The following RPS6KC1 variants were observed in gnomAD, a reference collection of about 807,000 sequenced individuals.
RPS6KC1 encodes the protein inactive ribosomal protein S6 kinase delta-1.
In RPS6KC1, 54 loss-of-function variants were observed where a neutral mutation model predicts 103.8. The ratio of observed to expected loss-of-function variants is 0.52; its 90% confidence interval spans 0.42 to 0.65. RPS6KC1 has a LOEUF of 0.65. RPS6KC1 is among the 30% of genes least tolerant of loss of function. RPS6KC1 has a pLI of 0.00. For missense variants in RPS6KC1, 1,151 were observed against 1,253.8 expected, an observed-to-expected ratio of 0.92 and a Z score of 1.24; for synonymous variants, 439 against 438.7, an observed-to-expected ratio of 1.00 and a Z score of -0.01.
At chr1:213,435,254 T>TTG in the RPS6KC1 span, among the ~76,000 whole-genome samples, 1 of 152,232 alleles carries the variant, frequency 6.6e-6, no homozygotes, top group African/African-American at 2.4e-5. Flanking sequence ...AGTCCTCTAC[T>TTG]TAAATTTTGT....
At chr1:213,438,373 T>C in the RPS6KC1 span, among the ~76,000 whole-genome samples, 2 of 152,314 alleles carry the variant, frequency 1.3e-5, no homozygotes, top group East Asian at 1.9e-4. Flanking sequence ...TGAAAAATCA[T>C]GAGTTTCTGA....
intron 8 of RPS6KC1, among the ~76,000 whole-genome samples, chr1:213,181,151 A>G (rs1004413911): frequency 2.0e-5 from 3 of 152,184 alleles, no homozygotes; most frequent in African/African-American, 4.8e-5. Context: ...TGATTCCCTC[A>G]TGGCCAGTTA....
the RPS6KC1 span, among the ~76,000 whole-genome samples, chr1:213,641,556 C>G: frequency 1.3e-5 from 2 of 151,916 alleles, no homozygotes; most frequent in Non-Finnish European, 2.9e-5. Context: ...ATTCTGGGAC[C>G]TGGGTAAAGG....
At chr1:213,498,388 TACCAAGAA>T in the RPS6KC1 span, among the ~76,000 whole-genome samples, 1 of 152,252 alleles carries the variant, frequency 6.6e-6, no homozygotes, top group Non-Finnish European at 1.5e-5. Flanking sequence ...GATAAAAAGA[TACCAAGAA>T]ATACTTTTGA....
intron 6 of RPS6KC1, among the ~76,000 whole-genome samples, chr1:213,151,102 G>C (rs1207337999): frequency 1.1e-4 from 13 of 120,504 alleles, no homozygotes; most frequent in East Asian, 2.5e-4. Context: ...CCGGATGGGG[G>C]GGCTGGCTGG....
At chr1:213,774,089 C>T in the RPS6KC1 span, among the ~76,000 whole-genome samples, 1 of 152,172 alleles carries the variant, frequency 6.6e-6, no homozygotes, top group African/African-American at 2.4e-5. Context: ...GGACACAAAC[C>T]TCTTGGGCTT....
At chr1:213,438,792 C>CTT in the RPS6KC1 span, among the ~76,000 whole-genome samples, 177 of 129,708 alleles carry the variant, frequency 1.4e-3, 3 homozygotes, top group Middle Eastern at 8.3e-3. Context: ...ATCTTGGTTT[C>CTT]TTTTTTTTTT....
chr1:213,509,501 G>A, the RPS6KC1 span, among the ~76,000 whole-genome samples: 1 of 152,170 alleles, frequency 6.6e-6, no homozygotes, highest in Admixed American at 6.5e-5. Context: ...CTGACTCCTA[G>A]CTGGCAACCT....
intron 6 of RPS6KC1, among the ~76,000 whole-genome samples, chr1:213,151,572 C>T (rs1295721984): frequency 7.8e-5 from 7 of 89,452 alleles, no homozygotes; most frequent in Admixed American, 4.3e-4. Context: ...CCTCACCTCC[C>T]GGATGGGGCG....
At chr1:213,484,972 C>T in the RPS6KC1 span, among the ~76,000 whole-genome samples, 3 of 152,170 alleles carry the variant, frequency 2.0e-5, no homozygotes, top group Non-Finnish European at 4.4e-5. Flanking sequence ...AAGTCATCTT[C>T]CTATTTCAGC....
chr1:213,547,795 G>A, the RPS6KC1 span, among the ~76,000 whole-genome samples: 1 of 152,114 alleles, frequency 6.6e-6, no homozygotes, highest in East Asian at 1.9e-4. Flanking sequence ...GAGTGGAAAC[G>A]ATCTAAGACT....
chr1:213,445,373 GT>G, the RPS6KC1 span, among the ~76,000 whole-genome samples: 33 of 152,260 alleles, frequency 2.2e-4, 1 homozygote, highest in African/African-American at 6.7e-4. Flanking sequence ...GGGTTGTATG[GT>G]GACTTTATTT....
the RPS6KC1 span, among the ~76,000 whole-genome samples, chr1:213,719,645 A>G: frequency 6.6e-6 from 1 of 152,204 alleles, no homozygotes; most frequent in Non-Finnish European, 1.5e-5. Flanking sequence ...GAAGGGGACC[A>G]TGTGACCAAG....
chr1:213,090,298 A>G lies in RPS6KC1; in HGVS notation c.262+12482A>G, dbSNP rs374554320. On this transcript the variant is annotated intron_variant, in intron 3 of 14. Transcript: ENST00000366960. ...AAGAACCCTGCCTTGCCCTTTAATT[A>G]TAATTTTCTCTCTTTCTCTTTGATT... Among the ~76,000 whole-genome samples, 35 of 152,314 alleles carry G rather than the reference A, an allele frequency of 2.3e-4. No homozygotes were observed. In the South Asian group the frequency reaches 7.3e-3, roughly 32 times the overall value.
chr1:213,247,960 T>G (rs1245633981), intron 12 of RPS6KC1, among the ~76,000 whole-genome samples: 1 of 152,200 alleles, frequency 6.6e-6, no homozygotes, highest in East Asian at 1.9e-4. Flanking sequence ...TGGAAAATAC[T>G]TTCATTTAGA....
intron 12 of RPS6KC1, among the ~76,000 whole-genome samples, chr1:213,250,146 A>T (rs751239690): frequency 6.6e-6 from 1 of 152,200 alleles, no homozygotes; most frequent in African/African-American, 2.4e-5. Flanking sequence ...AGGTGGTGGC[A>T]GGAAGCGAGG....
chr1:213,721,858 T>TCCCTGG, the RPS6KC1 span, among the ~76,000 whole-genome samples: 4 of 152,188 alleles, frequency 2.6e-5, no homozygotes, highest in African/African-American at 9.6e-5. Flanking sequence ...CTCTCCTTCC[T>TCCCTGG]CCCTGCCCCT....
At chr1:213,113,615 T>C (rs2148856466) in intron 4 of RPS6KC1, among the ~76,000 whole-genome samples, 1 of 151,836 alleles carries the variant, frequency 6.6e-6, no homozygotes, top group Non-Finnish European at 1.5e-5. Context: ...TTTGGTGTTT[T>C]AGACATGAAG....
At chr1:213,816,278 G>A in the RPS6KC1 span, among the ~76,000 whole-genome samples, 8 of 152,326 alleles carry the variant, frequency 5.3e-5, no homozygotes, top group East Asian at 5.8e-4. Context: ...GGCATCAATA[G>A]ATTTGCTGTA....
Sources: allele counts gnomAD v4.1 joint callset (sites outside exome capture counted in the v4.1 genomes callset), GRCh38; gene constraint gnomAD v4.1.1; transcripts MANE v1.5; gene names NCBI Gene and HGNC (gene_info 2026-07-23, HGNC 2026-07-21).